FAM135A: variants seen among roughly 807,000 people sequenced by gnomAD.
FAM135A encodes the protein family with sequence similarity 135 member A, also known as protein FAM135A.
FAM135A carries 79 observed loss-of-function variants against 146.8 expected under a neutral mutation model. The ratio of observed to expected loss-of-function variants is 0.54; its 90% CI spans 0.45 to 0.65. The LOEUF (loss-of-function observed/expected upper bound fraction) is 0.65, where lower values mean the gene tolerates loss of function less well. Ranked by LOEUF, FAM135A falls within the 30% of genes least tolerant of loss-of-function variation. FAM135A has a pLI of 0.00. For missense variants in FAM135A, 1,623 were observed against 1,758.2 expected (o/e 0.92, Z 1.38); for synonymous variants, 562 against 603.6 (o/e 0.93, Z 1.01).
chr6:70,518,165 G>A (rs1202992884), intron 12 of FAM135A, among the ~76,000 whole-genome samples: 2 of 152,186 alleles, frequency 1.3e-5, no homozygotes, highest in Non-Finnish European at 2.9e-5. Context: ...GGAACGATAA[G>A]AAAGTGAAAC....
rs374882704 is a variant in FAM135A, at chr6:70,443,308, ATGGTAGTAGCTT to A, written c.78-9178_78-9167del. On this transcript the variant is annotated intron_variant, in intron 4 of 21. Coordinates refer to ENST00000418814, the MANE Select transcript of FAM135A (RefSeq NM_001162529.3). ...GCTGGAAAATTCCCATCACCTCGTG[ATGGTAGTAGCTT>A]TGGTAACCTCCTAGTGCAATACATT... is the stretch of plus-strand genomic sequence containing the variant. Among the ~76,000 whole-genome samples the A allele has an allele frequency of 4.1e-3, 626 of 152,346 alleles. 2 individuals carry two copies. The highest frequency in any genetic ancestry group is 0.015 in the African/African-American group (605 of 41,582).
intron 4 of FAM135A, among the ~76,000 whole-genome samples, chr6:70,442,959 C>T (rs148427741): frequency 0.012 from 1,757 of 152,198 alleles, 16 homozygotes; most frequent in East Asian, 0.022. Flanking sequence ...TTTCCCATTG[C>T]GGTTAATACT....
chr6:70,436,563 G>A (rs965259247), intron 4 of FAM135A, among the ~76,000 whole-genome samples: 3 of 152,042 alleles, frequency 2.0e-5, no homozygotes, highest in African/African-American at 7.2e-5. Flanking sequence ...GGATTTAAGG[G>A]GCTAGTAAGT....
chr6:70,450,549 G>A (rs894257277), intron 4 of FAM135A, among the ~76,000 whole-genome samples: 3 of 151,744 alleles, frequency 2.0e-5, no homozygotes, highest in African/African-American at 7.3e-5. Flanking sequence ...TGTGTTCTTG[G>A]CACCTTTGTC....
intron 10 of FAM135A, among the ~76,000 whole-genome samples, chr6:70,487,327 C>T (rs1784884039): frequency 6.6e-6 from 1 of 151,942 alleles, no homozygotes; most frequent in Non-Finnish European, 1.5e-5. Context: ...ATATGTTAGA[C>T]TTTTCTTGAA....
chr6:70,520,106 T>G (rs1057255667), intron 12 of FAM135A, among the ~76,000 whole-genome samples: 2 of 152,158 alleles, frequency 1.3e-5, no homozygotes, highest in Non-Finnish European at 2.9e-5. Context: ...TATTTCTTCA[T>G]CACGTTCTCA....
chr6:70,451,137 A>G (rs1582203730), intron 4 of FAM135A, among the ~76,000 whole-genome samples: 1 of 152,132 alleles, frequency 6.6e-6, no homozygotes, highest in East Asian at 1.9e-4. Context: ...TCTGTGAAAA[A>G]TGATGCCAGA....
intron 11 of FAM135A, among the ~76,000 whole-genome samples, chr6:70,499,663 G>T (rs763453692): frequency 6.6e-6 from 1 of 152,070 alleles, no homozygotes; most frequent in Non-Finnish European, 1.5e-5. Context: ...GAGCTCTTGT[G>T]AGGCAGTCCT....
chr6:70,468,328 A>T (rs1249305182), intron 5 of FAM135A, among the ~76,000 whole-genome samples: 1 of 152,216 alleles, frequency 6.6e-6, no homozygotes, highest in Non-Finnish European at 1.5e-5. Context: ...AACATACAGT[A>T]CATTTATCTA....
intron 15 of FAM135A, among the ~76,000 whole-genome samples, chr6:70,527,772 G>C (rs559755065): frequency 2.3e-4 from 35 of 152,120 alleles, no homozygotes; most frequent in African/African-American, 8.4e-4. Flanking sequence ...TCCCCTCTTC[G>C]TTCTGCTCCT....
intron 2 of FAM135A, among the ~76,000 whole-genome samples, 167 bp from the exon 3 acceptor site, chr6:70,426,272 A>C (rs1388836275): frequency 6.6e-6 from 1 of 152,192 alleles, no homozygotes; most frequent in East Asian, 1.9e-4. Context: ...ATTGATATTG[A>C]AATTGTGAAT....
Position 70,502,785 on chromosome 6 carries a change from T to G in FAM135A, c.1023T>G (p.Thr341=). 1 of 1,607,176 alleles carries G rather than the reference T, an allele frequency of 6.2e-7. No individual in the cohort carries two copies. Among genetic ancestry groups the G allele is most frequent in the Non-Finnish European group, 8.5e-7 (1 of 1,176,880 alleles). The change falls in exon 12 of 22, where the codon ACT becomes ACG. Residue 341 remains threonine (T), a synonymous_variant. Transcript: ENST00000418814. ...TATTATTAGCACAAGAGCACCATAC[T>G]TTGAGGGTAAGTTAAAGAGAAGTGA... is the stretch of plus-strand genomic sequence containing the variant. ...LRILLAQEHH[T]LRVRRFSEAF...
intron 12 of FAM135A, among the ~76,000 whole-genome samples, chr6:70,514,951 C>T (rs1266157510): frequency 6.6e-6 from 1 of 152,182 alleles, no homozygotes; most frequent in Non-Finnish European, 1.5e-5. Context: ...ACTATCTTAT[C>T]AGAGCTTCAC....
At chr6:70,498,140 C>T (rs1032790992) in intron 11 of FAM135A, among the ~76,000 whole-genome samples, 2 of 152,118 alleles carry the variant, frequency 1.3e-5, no homozygotes, top group Admixed American at 1.3e-4. Context: ...AAATTACTGC[C>T]TCAATTTCAG....
In FAM135A at chr6:70,435,946, G is replaced by A. The variant is rs1773015107; in HGVS notation, c.77+7527G>A. Among the ~76,000 whole-genome samples, 5 of 152,242 alleles carry A rather than the reference G, an allele frequency of 3.3e-5. No individual in the cohort carries two copies. The South Asian group carries it at 6.2e-4, about 19-fold the overall frequency. On this transcript the variant is annotated intron_variant, in intron 4 of 21. Transcript: ENST00000418814. ...CGCCTGTGATCCCAGCACTTTGGGA[G>A]GCCGAAGCAGGCTGATCACCTGAGG...
At chr6:70,517,801 A>G (rs72917966) in intron 12 of FAM135A, among the ~76,000 whole-genome samples, 1 of 152,286 alleles carries the variant, frequency 6.6e-6, no homozygotes, top group Non-Finnish European at 1.5e-5. Context: ...ATTGTTTTGA[A>G]GCACCACAGT....
At chr6:70,476,313 G>T (rs1003862376) in intron 7 of FAM135A, among the ~76,000 whole-genome samples, 2 of 152,078 alleles carry the variant, frequency 1.3e-5, no homozygotes, top group Non-Finnish European at 2.9e-5. Flanking sequence ...TATTTATGCA[G>T]GGTTTTTTCC....
intron 10 of FAM135A, chr6:70,486,279 TTTAATTA>T (rs1360124820): frequency 1.3e-6 from 2 of 1,586,846 alleles, no homozygotes; most frequent in Non-Finnish European, 1.7e-6. Context: ...AATGATCCCT[TTTAATTA>T]AAAAGTATGA....
intron 4 of FAM135A, among the ~76,000 whole-genome samples, chr6:70,449,503 A>G (rs1167573523): frequency 2.0e-5 from 3 of 152,026 alleles, no homozygotes; most frequent in Non-Finnish European, 4.4e-5. Flanking sequence ...ATTATACATT[A>G]TTTGTCTTTC....
Sources: allele counts gnomAD v4.1 joint callset (sites outside exome capture counted in the v4.1 genomes callset), GRCh38; gene constraint gnomAD v4.1.1; transcripts MANE v1.5; gene names NCBI Gene and HGNC (gene_info 2026-07-23, HGNC 2026-07-21).